Variants in GRID2 observed in about 807,000 individuals in gnomAD.
The protein encoded by GRID2 is glutamate receptor ionotropic, delta-2.
GRID2 carries 33 observed loss-of-function variants against 114.8 expected under a neutral mutation model. That is an observed-to-expected ratio of 0.29 (90% CI 0.22 to 0.38). The LOEUF (loss-of-function observed/expected upper bound fraction) is 0.38. GRID2 is among the 10% of genes least tolerant of loss of function. The pLI is 1.00. For synonymous variants in GRID2, 505 were observed against 449.9 expected, an observed-to-expected ratio of 1.12 and a Z score of -1.55; for missense variants, 1,184 against 1,257.7, an observed-to-expected ratio of 0.94 and a Z score of 0.89.
chr4:93,219,410 A>G (rs1196025844), intron 6 of GRID2, among the ~76,000 whole-genome samples: 1 of 152,088 alleles, frequency 6.6e-6, no homozygotes, highest in Non-Finnish European at 1.5e-5. Context: ...AAGTATGGGG[A>G]AGCACCAACT....
intron 3 of GRID2, among the ~76,000 whole-genome samples, chr4:93,100,437 A>G (rs1026288781): frequency 3.3e-5 from 5 of 152,004 alleles, no homozygotes; most frequent in African/African-American, 1.2e-4. Flanking sequence ...AGTTTTTTCT[A>G]AGCAAGATTT....
At chr4:92,731,239 TTTTC>T (rs928983245) in intron 2 of GRID2, among the ~76,000 whole-genome samples, 7 of 151,688 alleles carry the variant, frequency 4.6e-5, no homozygotes, top group South Asian at 2.1e-4. Flanking sequence ...TGATTTTTTT[TTTTC>T]TTTCTTTCTT....
At chr4:92,727,353 TCAAAC>T (rs1208952593) in intron 2 of GRID2, among the ~76,000 whole-genome samples, 13 of 152,026 alleles carry the variant, frequency 8.6e-5, no homozygotes, top group East Asian at 1.9e-4. Flanking sequence ...AGAAAACAAA[TCAAAC>T]CAAAAGAATT....
At chr4:92,357,578 C>G (rs1271132468) in intron 1 of GRID2, among the ~76,000 whole-genome samples, 3 of 151,656 alleles carry the variant, frequency 2.0e-5, no homozygotes, top group African/African-American at 7.3e-5. Flanking sequence ...GTATGTTACA[C>G]TTGCCTGTTA....
intron 1 of GRID2, among the ~76,000 whole-genome samples, chr4:92,480,074 A>G (rs1187404395): frequency 6.6e-6 from 1 of 152,104 alleles, no homozygotes; most frequent in Admixed American, 6.6e-5. Context: ...TAGTTTTCTT[A>G]CAATTTCTGT....
chr4:92,744,151 G>A (rs1485049364), intron 2 of GRID2, among the ~76,000 whole-genome samples: 1 of 152,056 alleles, frequency 6.6e-6, no homozygotes, highest in African/African-American at 2.4e-5. Context: ...GCATGAGAAA[G>A]CAGAACAAGG....
In GRID2 at chr4:93,014,164, G is replaced by A. The variant is rs547484313; in HGVS notation, c.245-70831G>A. Among the ~76,000 whole-genome samples the A allele has an allele frequency of 2.0e-4, 30 of 152,140 alleles. No individual in the cohort carries two copies. The South Asian group carries it at 2.3e-3, about 12-fold the overall frequency. ...TAAAGTGTTTTAGTTTGTTCAGGCT[G>A]CTATGACAAAATACCACAGACTTGG... is the stretch of plus-strand genomic sequence containing the variant. On this transcript the variant is annotated intron_variant, in intron 2 of 15. Coordinates refer to ENST00000282020, the MANE Select transcript of GRID2 (RefSeq NM_001510.4).
chr4:93,219,216 G>A (rs1744601038), intron 6 of GRID2, among the ~76,000 whole-genome samples: 3 of 152,158 alleles, frequency 2.0e-5, no homozygotes, highest in Non-Finnish European at 4.4e-5. Flanking sequence ...GTTAAAAGAA[G>A]TATCAGGAAA....
At chr4:93,258,902 A>C (rs942559741) in intron 8 of GRID2, 10 of 455,426 alleles carry the variant, frequency 2.2e-5, no homozygotes, top group Non-Finnish European at 4.4e-5. Flanking sequence ...ACAGAATGAA[A>C]GAATCAGACC....
At chr4:93,594,755 G>T (rs558506207) in intron 13 of GRID2, among the ~76,000 whole-genome samples, 1 of 152,298 alleles carries the variant, frequency 6.6e-6, no homozygotes, top group Admixed American at 6.5e-5. Context: ...TAATCTCGTG[G>T]TGCGCCGTTT....
At chr4:92,783,082 C>A (rs1739161194) in intron 2 of GRID2, among the ~76,000 whole-genome samples, 1 of 151,904 alleles carries the variant, frequency 6.6e-6, no homozygotes, top group Non-Finnish European at 1.5e-5. Context: ...TAAAATTATT[C>A]ATATATCATG....
intron 14 of GRID2, among the ~76,000 whole-genome samples, chr4:93,726,962 G>A (rs184939833): frequency 2.0e-5 from 3 of 152,094 alleles, no homozygotes; most frequent in African/African-American, 7.2e-5. Context: ...CTTTTCCTAA[G>A]TGAATACCCC....
intron 1 of GRID2, among the ~76,000 whole-genome samples, chr4:93,796,965 A>T (rs1001945471): frequency 6.6e-6 from 1 of 152,226 alleles, no homozygotes; most frequent in Non-Finnish European, 1.5e-5. Context: ...ACAGTTTTGT[A>T]AACATCATAG....
At chr4:92,900,833 CAAAAAAAAAAAAAA>C (rs34089162) in intron 2 of GRID2, among the ~76,000 whole-genome samples, 1 of 72,332 alleles carries the variant, frequency 1.4e-5, no homozygotes, top group South Asian at 5.2e-4. Flanking sequence ...GACTTCGTCT[CAAAAAAAAAAAAAA>C]AAAAAAAAAA....
At chr4:92,549,299 A>G (rs1726454852) in intron 1 of GRID2, among the ~76,000 whole-genome samples, 1 of 152,150 alleles carries the variant, frequency 6.6e-6, no homozygotes, top group African/African-American at 2.4e-5. Context: ...AAAATTGAAC[A>G]TTATACCATT....
intron 6 of GRID2, among the ~76,000 whole-genome samples, chr4:93,220,232 C>T (rs1744713882): frequency 1.3e-5 from 2 of 151,614 alleles, no homozygotes; most frequent in Non-Finnish European, 2.9e-5. Context: ...CAAACTAAGC[C>T]TTTATTTATA....
intron 1 of GRID2, among the ~76,000 whole-genome samples, chr4:92,484,448 T>C (rs1018456965): frequency 7.9e-5 from 12 of 152,162 alleles, no homozygotes; most frequent in African/African-American, 2.7e-4. Flanking sequence ...ATAGGAATTG[T>C]GAATATTAAT....
chr4:93,210,316 C>T (rs188042458), intron 5 of GRID2, among the ~76,000 whole-genome samples: 126 of 152,170 alleles, frequency 8.3e-4, no homozygotes, highest in African/African-American at 2.9e-3. Flanking sequence ...TGCCAGTTAT[C>T]CCAGCAATCA....
At chr4:93,366,629 T>G (rs1762364487) in intron 8 of GRID2, among the ~76,000 whole-genome samples, 1 of 152,052 alleles carries the variant, frequency 6.6e-6, no homozygotes, top group South Asian at 2.1e-4. Context: ...CCCACACCTA[T>G]TCACACACTC....
Sources: gnomAD v4.1 joint callset for allele counts (sites outside exome capture counted in the v4.1 genomes callset) on GRCh38, gnomAD v4.1.1 for gene constraint, MANE v1.5 for transcripts, NCBI Gene and HGNC (gene_info 2026-07-23, HGNC 2026-07-21) for gene names.